The following SPTBN5 variants were observed in gnomAD, a reference collection of about 807,000 sequenced individuals.
The protein encoded by SPTBN5 is spectrin beta, non-erythrocytic 5.
A neutral mutation model predicts 477.6 loss-of-function variants in SPTBN5; 513 were observed. That is an observed-to-expected ratio of 1.07 (90% confidence interval 1.00 to 1.16). The LOEUF (loss-of-function observed/expected upper bound fraction) is 1.16, where lower values mean the gene tolerates loss of function less well. Among genes scored for constraint, SPTBN5 ranks in the 50% most tolerant of loss-of-function variants. The pLI, the probability that SPTBN5 is intolerant of heterozygous loss-of-function variation, is 0.00. For synonymous variants in SPTBN5, 2,169 were observed against 2,011.7 expected (o/e 1.08, Z -2.09); for missense variants, 5,062 against 4,731.8 (o/e 1.07, Z -2.05).
chr15:41,875,697 G>C (rs1201533146), intron 21 of SPTBN5, 75 bp from the exon 22 acceptor site: 5 of 1,451,736 alleles, frequency 3.4e-6, no homozygotes, highest in Middle Eastern at 1.8e-4. Context: ...GGCTGGACCT[G>C]GGTGGCAGTG....
Position 41,873,599 on chromosome 15 carries a change from C to T in SPTBN5, c.4900G>A (p.Asp1634Asn), listed in dbSNP as rs1487496054. 1 of 1,551,758 alleles carries T rather than the reference C, an allele frequency of 6.4e-7. No homozygotes were observed. The highest frequency in any genetic ancestry group is 8.7e-7 in the Non-Finnish European group (1 of 1,147,182). ...ACCCAGCCCTCCAGCTCTGACACAT[C>T]CAGAAAGTACTGCCAAGAGTGGGGC... ...QAVTFQQYFLDVSELEGWVEE... is the reference protein window; with the variant it reads ...QAVTFQQYFLNVSELEGWVEE... The change falls in exon 26 of 68, where the codon GAT becomes AAT. Residue 1634 changes from aspartate to asparagine, a missense_variant. Asp to Asn is a conservative substitution (Grantham distance 23, BLOSUM62 1). Coordinates refer to ENST00000320955, the MANE Select transcript of SPTBN5 (RefSeq NM_016642.4).
chr15:41,859,114 C>A, intron 47 of SPTBN5, 134 bp from the exon 48 acceptor site: 1 of 621,690 alleles, frequency 1.6e-6, no homozygotes, highest in South Asian at 2.8e-5. Flanking sequence ...ACATTGCACT[C>A]CCCCTCTGTA....
intron 2 of SPTBN5, 82 bp from the exon 3 acceptor site, chr15:41,893,143 G>C: frequency 6.4e-7 from 1 of 1,570,876 alleles, no homozygotes; most frequent in Non-Finnish European, 8.6e-7. Context: ...GTACGACCCA[G>C]AGCAGCTGCT....
intron 56 of SPTBN5, 129 bp from the exon 57 acceptor site, chr15:41,854,334 G>A: frequency 1.0e-6 from 1 of 967,466 alleles, no homozygotes; most frequent in South Asian, 1.6e-5. Context: ...GTGTCCCCAG[G>A]TACAGAAACC....
chr15:41,867,494 AACC>A (rs2066366588), intron 35 of SPTBN5, 41 bp downstream of exon 35: 1 of 1,583,946 alleles, frequency 6.3e-7, no homozygotes, highest in Non-Finnish European at 8.7e-7. Flanking sequence ...ACTCTCTCCC[AACC>A]ACCACACTCT....
chr15:41,858,879 G>T lies in SPTBN5; in HGVS notation c.8079+11C>A, dbSNP rs774645204. 6.4e-7 allele frequency: 1 copy of T among 1,570,416 alleles called. No individual in the cohort carries two copies. Among genetic ancestry groups the T allele is most frequent in the Non-Finnish European group, 8.7e-7 (1 of 1,155,850 alleles). The stretch of plus-strand genomic sequence containing the variant: ...CCACCATGACCGCCTCCCTCTCCAA[G>T]CGAGGCGAACCTCCTGGGAGTCCTG... On this transcript the variant is annotated intron_variant, in intron 48 of 67. Coordinates refer to ENST00000320955, the MANE Select transcript of SPTBN5 (RefSeq NM_016642.4).
intron 4 of SPTBN5, 128 bp from the exon 5 acceptor site, chr15:41,888,213 C>T (rs2084025209): frequency 2.3e-6 from 2 of 881,058 alleles, no homozygotes; most frequent in Non-Finnish European, 3.4e-6. Context: ...GCCAGTGTGA[C>T]TCTCCTCTCT....
rs2065772930 is a variant in SPTBN5, at chr15:41,851,772, C to A, written c.10656+7G>T. 2 of 1,606,196 alleles carry A rather than the reference C, an allele frequency of 1.2e-6. No individual in the cohort carries two copies. The highest frequency in any genetic ancestry group is 8.5e-7 in the Non-Finnish European group (1 of 1,176,022). ...GCTGCCTGGAGAAGGAATCTCCAGG[C>A]ACTCACCTGCCTCCCGCCAGGCAGC... is the stretch of plus-strand genomic sequence containing the variant. On this transcript the variant is annotated splice_region_variant and intron_variant, in intron 63 of 67. Transcript: ENST00000320955.
chr15:41,876,111 C>G lies in SPTBN5; in HGVS notation c.4122+3G>C, dbSNP rs369215713. The G allele has an allele frequency of 7.0e-5, 111 of 1,596,190 alleles. No homozygotes were observed. The East Asian group carries it at 2.4e-3, about 34-fold the overall frequency. On this transcript the variant is annotated splice_donor_region_variant and intron_variant, in intron 21 of 67. Coordinates refer to ENST00000320955, the MANE Select transcript of SPTBN5 (RefSeq NM_016642.4). ...TCTGCACCCTCTGTCCCGTGTCCCC[C>G]ACCTGCTGCAGGGCCTCCACGTGTC... is the stretch of plus-strand genomic sequence containing the variant.
At position 41,890,176 on chromosome 15, in the gene SPTBN5, G is replaced by A; in HGVS notation, c.414C>T (p.Asn138=). The A allele has an allele frequency of 5.6e-6, 9 of 1,612,982 alleles. No individual in the cohort carries two copies. The highest frequency in any genetic ancestry group is 7.6e-6 in the Non-Finnish European group (9 of 1,179,488). The change falls in exon 4 of 68, where the codon AAC becomes AAT. Residue 138 remains asparagine, a synonymous_variant. Coordinates refer to ENST00000320955, the MANE Select transcript of SPTBN5 (RefSeq NM_016642.4). ...TGAGTGTCTGGTCTCCGTCCACGAT[G>A]TTCTCTGGCCCGATGAGTGGTACTG... is the stretch of plus-strand genomic sequence containing the variant. ...KVPVPLIGPE[N]IVDGDQTLIL...
chr15:41,853,698 GC>G lies in SPTBN5; in HGVS notation c.9863del (p.Gly3288AlafsTer40). ...LGQLHPAAPG[G>X]LAKVQEAWAT... ...CCCAGGCCTCCTGCACCTTGGCCAG[GC>G]CCCCCGGAGCTGCAGGATGTAGCTG... On this transcript the variant is annotated frameshift_variant, in exon 58 of 68. Coordinates refer to ENST00000320955, the MANE Select transcript of SPTBN5 (RefSeq NM_016642.4). LOFTEE classifies it high-confidence loss of function. The G allele has an allele frequency of 2.5e-6, 4 of 1,597,720 alleles. No individual in the cohort carries two copies.
At chr15:41,888,763 A>G (rs1322480431) in intron 4 of SPTBN5, among the ~76,000 whole-genome samples, 4 of 152,182 alleles carry the variant, frequency 2.6e-5, no homozygotes, top group Admixed American at 6.5e-5. Flanking sequence ...GCCCAGCCTC[A>G]CTTCCTGTTT....
rs2067388536 is a variant in SPTBN5, at chr15:41,893,904, T to C, written c.-55A>G. ...AGATAGCAGGGGCTGCTTACCTTGG[T>C]GATGCCTGGGTTCCACAGAGGCGGC... On this transcript the variant is annotated 5_prime_UTR_variant, in exon 1 of 68. Transcript: ENST00000320955. 1 of 244,700 alleles carries C rather than the reference T, an allele frequency of 4.1e-6. No individual in the cohort carries two copies. Among genetic ancestry groups the C allele is most frequent in the African/African-American group, 2.2e-5 (1 of 44,772 alleles). 15.2% of individuals were successfully genotyped at this position (244,700 alleles called of 1,614,324 possible). A position where few individuals can be genotyped will look rare whatever the true frequency, so the allele number is the denominator to read the frequency against.
chr15:41,882,027 C>T lies in SPTBN5; in HGVS notation c.2366G>A (p.Arg789Gln), dbSNP rs1262792612. ...AAETLLRRHV[R>Q]LERVLRAFAA... ...GAAGGCGCGCAGGACGCGCTCCAGC[C>T]GCACGTGGCGCCTCAGCAGGGTCTC... The change falls in exon 12 of 68, where the codon CGG (arginine) becomes CAG (glutamine). Residue 789 changes from arginine (R) to glutamine (Q), a missense_variant. Transcript: ENST00000320955. 1.9e-5 allele frequency: 29 copies of T among 1,545,076 alleles called. No homozygotes were observed. In the East Asian group the frequency reaches 4.4e-4, roughly 24 times the overall value.
intron 7 of SPTBN5, 96 bp downstream of exon 7, chr15:41,885,639 C>T (rs1364352806): frequency 7.0e-7 from 1 of 1,420,770 alleles, no homozygotes; most frequent in Non-Finnish European, 9.4e-7. Flanking sequence ...CATCCCTCTC[C>T]TCTCTGGCAA....
chr15:41,876,663 G>GC lies in SPTBN5; in HGVS notation c.3852-17_3852-16insG, dbSNP rs984854607. On this transcript the variant is annotated splice_polypyrimidine_tract_variant and intron_variant, in intron 19 of 67. Coordinates refer to ENST00000320955, the MANE Select transcript of SPTBN5 (RefSeq NM_016642.4). ...CTCTCTGACCCTGGAGGGCGGGGGG[G>GC]GGTTGGAGGAGGGCATGGGAGAGGA... 6 of 1,431,570 alleles carry GC rather than the reference G, an allele frequency of 4.2e-6. No homozygotes were observed. In the African/African-American group the frequency reaches 9.0e-5, roughly 21 times the overall value. The allele number at this position is 1,431,570 out of a possible 1,614,324, so 88.7% of individuals were successfully genotyped here. A position where few individuals can be genotyped will look rare whatever the true frequency, so the allele number is the denominator to read the frequency against.
chr15:41,879,130 C>G (rs551430061), intron 16 of SPTBN5, 130 bp downstream of exon 16: 161 of 1,086,522 alleles, frequency 1.5e-4, no homozygotes, highest in Non-Finnish European at 1.9e-4. Flanking sequence ...ATCATCCCCC[C>G]ATCTTTGCCA....
chr15:41,859,709 CCTAAGGTGA>C lies in SPTBN5; in HGVS notation c.7989-738_7989-730del, dbSNP rs1223928551. 2.0e-5 allele frequency among the ~76,000 whole-genome samples: 3 copies of C among 152,078 alleles called. No individual in the cohort carries two copies. The East Asian group carries it at 5.8e-4, about 29-fold the overall frequency. On this transcript the variant is annotated intron_variant, in intron 47 of 67. Coordinates refer to ENST00000320955, the MANE Select transcript of SPTBN5 (RefSeq NM_016642.4). ...GGGAAGCTGAGCCTGCCAGGAACCA[CCTAAGGTGA>C]CTGGGGTAGGGGGTGGTGACAAAGA... is the stretch of plus-strand genomic sequence containing the variant.
rs748384225 is a variant in SPTBN5, at chr15:41,873,933, C to T, written c.4802G>A (p.Cys1601Tyr). Residue 1601 changes from cysteine (C) to tyrosine (Y), a missense_variant, in exon 25 of 68, where the codon TGC (cysteine) becomes TAC (tyrosine). Transcript: ENST00000320955. The stretch of plus-strand genomic sequence containing the variant: ...TGCCCAGTGGCCTTCCAGCTCCTGG[C>T]ACTGCTCCACGATGTGTTGGGCTTG... ...HPQAQHIVEQ[C>Y]QELEGHWAEL... 89 of 1,610,448 alleles carry T rather than the reference C, an allele frequency of 5.5e-5. No homozygotes were observed. The South Asian group carries it at 8.5e-4, about 15-fold the overall frequency.
Sources: allele counts gnomAD v4.1 joint callset (sites outside exome capture counted in the v4.1 genomes callset), GRCh38; gene constraint gnomAD v4.1.1; transcripts MANE v1.5; gene names NCBI Gene and HGNC (gene_info 2026-07-23, HGNC 2026-07-21).